The following BTBD9 variants were observed in gnomAD, a reference collection of about 807,000 sequenced individuals.
BTBD9 encodes the protein BTB domain containing 9.
A neutral mutation model predicts 64.3 loss-of-function variants in BTBD9; 49 were observed. The observed-to-expected ratio is 0.76, with a 90% CI of 0.61 to 0.97. The LOEUF is 0.97. BTBD9 is among the 50% of genes least tolerant of loss of function. The probability of loss-of-function intolerance (pLI) is 0.00; values close to 1 mark genes in which losing one functional copy is unlikely to be tolerated. For synonymous variants in BTBD9, 260 were observed against 274.7 expected (o/e 0.95, Z 0.53); for missense variants, 598 against 762.1 (o/e 0.78, Z 2.53).
At chr6:38,330,079 G>A (rs558400246) in intron 7 of BTBD9, among the ~76,000 whole-genome samples, 3 of 150,490 alleles carry the variant, frequency 2.0e-5, no homozygotes, top group African/African-American at 7.3e-5. Flanking sequence ...TTTTGAGACA[G>A]AGTTTGGCTC....
intron 6 of BTBD9, among the ~76,000 whole-genome samples, chr6:38,393,547 T>C (rs1766532229): frequency 6.6e-6 from 1 of 152,180 alleles, no homozygotes; most frequent in South Asian, 2.1e-4. Context: ...TCTCACTTCC[T>C]ATACTAGCCA....
At chr6:38,353,157 C>A (rs1764588988) in intron 6 of BTBD9, among the ~76,000 whole-genome samples, 1 of 152,148 alleles carries the variant, frequency 6.6e-6, no homozygotes, top group African/African-American at 2.4e-5. Flanking sequence ...GTAAATGAGT[C>A]TAAGGTGTAA....
intron 8 of BTBD9, among the ~76,000 whole-genome samples, chr6:38,276,284 G>A (rs2127547510): frequency 6.6e-6 from 1 of 150,680 alleles, no homozygotes; most frequent in East Asian, 2.0e-4. Flanking sequence ...TCACTCATAG[G>A]TGGGAATTGA....
At position 38,577,604 on chromosome 6, in the gene BTBD9, A is replaced by T; in HGVS notation, c.1150T>A (p.Cys384Ser). ...WQKLYFPARV[C>S]RYIRIVGTHN... ...TATTAACCACTGAAAACTAACCTGC[A>T]GACACGGGCTGGAAAATATAATTTC... The change falls in exon 6 of 11, where the codon TGC becomes AGC. Residue 384 changes from cysteine to serine, a missense_variant. Physicochemically the swap from Cys to Ser is moderately radical, Grantham distance 112. Transcript: ENST00000481247. 2 of 1,606,540 alleles carry T rather than the reference A, an allele frequency of 1.2e-6. No individual in the cohort carries two copies. Among genetic ancestry groups the T allele is most frequent in the Non-Finnish European group, 8.5e-7 (1 of 1,179,116 alleles).
intron 6 of BTBD9, among the ~76,000 whole-genome samples, chr6:38,480,404 T>A (rs1771083985): frequency 6.6e-6 from 1 of 152,214 alleles, no homozygotes; most frequent in Non-Finnish European, 1.5e-5. Flanking sequence ...AGACCCACAG[T>A]ACAGCACTCT....
At chr6:38,602,501 T>C (rs1777287688) in intron 1 of BTBD9, among the ~76,000 whole-genome samples, 2 of 151,936 alleles carry the variant, frequency 1.3e-5, no homozygotes, top group Admixed American at 6.6e-5. Flanking sequence ...TTTAAAAAAA[T>C]ACACTGAAAA....
chr6:38,269,903 C>T (rs1245080249), intron 8 of BTBD9, among the ~76,000 whole-genome samples: 5 of 152,224 alleles, frequency 3.3e-5, no homozygotes, highest in Non-Finnish European at 7.3e-5. Flanking sequence ...AGGCCAGTCT[C>T]CGTGCCATGT....
At chr6:38,479,921 G>A (rs1268099249) in intron 6 of BTBD9, among the ~76,000 whole-genome samples, 1 of 152,006 alleles carries the variant, frequency 6.6e-6, no homozygotes, top group Non-Finnish European at 1.5e-5. Flanking sequence ...TAGAGAAAGG[G>A]TTCCGTCATG....
At chr6:38,520,341 G>T (rs1003257213) in intron 6 of BTBD9, among the ~76,000 whole-genome samples, 1 of 151,934 alleles carries the variant, frequency 6.6e-6, no homozygotes, top group Admixed American at 6.6e-5. Flanking sequence ...CGCATCTGTC[G>T]TCCCAGCTAC....
In BTBD9 at chr6:38,171,846, C is replaced by CAAAAAAAAAAAAAAAAAAAAAAAAAAA. The variant is rs869155666; in HGVS notation, c.*3112_*3138dup. ...TCCAATGAAGTTGCCTTTCTACTCTCAAAAAAAAAAAAAAAAAAAAAAAAA... is the reference window on the plus strand; with the variant it reads ...TCCAATGAAGTTGCCTTTCTACTCTCAAAAAAAAAAAAAAAAAAAAAAAAAAAAAAAAAAAAAAAAAAAAAAAAAAAA... On this transcript the variant is annotated 3_prime_UTR_variant, in exon 11 of 11. Coordinates refer to ENST00000481247, the MANE Select transcript of BTBD9 (RefSeq NM_001099272.2). 4 of 79,206 alleles carry CAAAAAAAAAAAAAAAAAAAAAAAAAAA rather than the reference C, an allele frequency of 5.1e-5. No homozygotes were observed. The highest frequency in any genetic ancestry group is 1.7e-4 in the Admixed American group (1 of 6,010). 4.9% of individuals were successfully genotyped at this position (79,206 alleles called of 1,614,324 possible).
intron 6 of BTBD9, among the ~76,000 whole-genome samples, chr6:38,426,631 A>C (rs971979383): frequency 6.6e-6 from 1 of 151,706 alleles, no homozygotes; most frequent in African/African-American, 2.4e-5. Context: ...GCCTATTGCC[A>C]CTCCCGATTG....
Position 38,212,736 on chromosome 6 carries a change from C to T in BTBD9, c.1563-20139G>A, listed in dbSNP as rs185083914. On this transcript the variant is annotated intron_variant, in intron 9 of 10. Coordinates refer to ENST00000481247, the MANE Select transcript of BTBD9 (RefSeq NM_001099272.2). ...CTAAACAAAGTTATTGATTTAATGA[C>T]GTCAGCAGCTCCTTTCAGCCTGTGA... Among the ~76,000 whole-genome samples the T allele has an allele frequency of 7.9e-4, 120 of 152,232 alleles. 1 individual carries two copies. Among genetic ancestry groups the T allele is most frequent in the Admixed American group, 1.8e-3 (27 of 15,282 alleles).
intron 6 of BTBD9, among the ~76,000 whole-genome samples, chr6:38,522,498 T>C (rs1194192921): frequency 1.3e-5 from 2 of 152,264 alleles, no homozygotes; most frequent in Non-Finnish European, 2.9e-5. Context: ...TGTTTGCAAA[T>C]GCTTCTTTGA....
At chr6:38,514,805 A>G (rs1047472777) in intron 6 of BTBD9, among the ~76,000 whole-genome samples, 4 of 152,206 alleles carry the variant, frequency 2.6e-5, no homozygotes, top group African/African-American at 9.6e-5. Context: ...CCACCTTAAA[A>G]GGACTACTTC....
At chr6:38,286,645 A>G (rs1045107355) in intron 8 of BTBD9, among the ~76,000 whole-genome samples, 3 of 152,222 alleles carry the variant, frequency 2.0e-5, no homozygotes, top group Non-Finnish European at 2.9e-5. Context: ...TCTTCAACTA[A>G]AAGTATAGTC....
intron 6 of BTBD9, among the ~76,000 whole-genome samples, chr6:38,531,521 G>A (rs1456220626): frequency 6.6e-6 from 1 of 152,122 alleles, no homozygotes; most frequent in Non-Finnish European, 1.5e-5. Flanking sequence ...CACCGATAGA[G>A]AATACAAAGA....
intron 9 of BTBD9, among the ~76,000 whole-genome samples, chr6:38,245,497 A>T (rs141044853): frequency 6.6e-6 from 1 of 152,252 alleles, no homozygotes; most frequent in Non-Finnish European, 1.5e-5. Context: ...TGCCAGGGAG[A>T]TGGGAACAGG....
intron 7 of BTBD9, among the ~76,000 whole-genome samples, chr6:38,304,148 C>T (rs761466435): frequency 6.6e-6 from 1 of 151,710 alleles, no homozygotes; most frequent in Non-Finnish European, 1.5e-5. Context: ...ACGTGTATAT[C>T]AGTGAAATCT....
rs79493718 is a variant in BTBD9, at chr6:38,466,769, G to A, written c.1154+110831C>T. Among the ~76,000 whole-genome samples, 767 of 152,080 alleles carry A rather than the reference G, an allele frequency of 5.0e-3. 5 individuals carry two copies. Among genetic ancestry groups the A allele is most frequent in the Non-Finnish European group, 9.6e-3 (650 of 67,966 alleles). On this transcript the variant is annotated intron_variant, in intron 6 of 10. Transcript: ENST00000481247. ...ATTTTTGTATTTTTAGTGGAGAAAG[G>A]GTTCTGTAATGTTGGCCAGGCTGGT... is the stretch of plus-strand genomic sequence containing the variant.
Sources: allele counts gnomAD v4.1 joint callset (sites outside exome capture counted in the v4.1 genomes callset), GRCh38; gene constraint gnomAD v4.1.1; transcripts MANE v1.5; gene names NCBI Gene and HGNC (gene_info 2026-07-23, HGNC 2026-07-21).